POU2F1: variants seen among roughly 807,000 people sequenced by gnomAD.
POU2F1 encodes the protein POU domain, class 2, transcription factor 1.
A neutral mutation model predicts 84.9 loss-of-function variants in POU2F1; 16 were observed. The ratio of observed to expected loss-of-function variants is 0.19; its 90% CI spans 0.13 to 0.29. The LOEUF (loss-of-function observed/expected upper bound fraction) is 0.29. POU2F1 is among the 10% of genes least tolerant of loss of function. The probability of loss-of-function intolerance (pLI) is 1.00; values close to 1 mark genes in which losing one functional copy is unlikely to be tolerated. For missense variants in POU2F1, 738 were observed against 942.6 expected (o/e 0.78, Z 2.84); for synonymous variants, 368 against 368.3 (o/e 1.00, Z 0.01).
chr1:167,312,229 CCCAGCCAA>C (rs1557886276), intron 1 of POU2F1, among the ~76,000 whole-genome samples: 139 of 150,446 alleles, frequency 9.2e-4, no homozygotes, highest in African/African-American at 3.4e-3. Context: ...AGCCACCGTG[CCCAGCCAA>C]TTTTTTTTTT....
At chr1:167,316,953 G>A (rs995858542) in intron 1 of POU2F1, among the ~76,000 whole-genome samples, 2 of 152,138 alleles carry the variant, frequency 1.3e-5, no homozygotes, top group African/African-American at 4.8e-5. Flanking sequence ...GTGCAGTGGT[G>A]CAGTCTAGGC....
intron 1 of POU2F1, among the ~76,000 whole-genome samples, chr1:167,304,903 T>A (rs895379084): frequency 3.9e-5 from 6 of 152,134 alleles, no homozygotes; most frequent in Non-Finnish European, 7.4e-5. Context: ...TGAAAAAAAA[T>A]GATGTTATAG....
chr1:167,259,710 A>T (rs1177514329), intron 1 of POU2F1, among the ~76,000 whole-genome samples: 1 of 152,156 alleles, frequency 6.6e-6, no homozygotes, highest in African/African-American at 2.4e-5. Flanking sequence ...GACTATATCA[A>T]TTTATATTCT....
chr1:167,310,383 A>T (rs1232410563), intron 1 of POU2F1, among the ~76,000 whole-genome samples: 1 of 152,126 alleles, frequency 6.6e-6, no homozygotes. Flanking sequence ...TTGGATTTTT[A>T]AAAAATGAAA....
intron 1 of POU2F1, among the ~76,000 whole-genome samples, chr1:167,237,941 G>A (rs930190051): frequency 1.3e-5 from 2 of 151,202 alleles, no homozygotes; most frequent in Admixed American, 6.6e-5. Context: ...CACCGCACCC[G>A]GCTAATTTTT....
Position 167,389,771 on chromosome 1 carries a change from A to G in POU2F1, c.987+10A>G. 1 of 1,610,822 alleles carries G rather than the reference A, an allele frequency of 6.2e-7. No individual in the cohort carries two copies. The highest frequency in any genetic ancestry group is 8.5e-7 in the Non-Finnish European group (1 of 1,178,284). On this transcript the variant is annotated intron_variant, in intron 9 of 15. Transcript: ENST00000367866. ...ACTTGGATTCACTCAGGTAGGGTGAATTGGCCTTACATTGATTCCCCTCCT... is the reference window on the plus strand; with the variant it reads ...ACTTGGATTCACTCAGGTAGGGTGAGTTGGCCTTACATTGATTCCCCTCCT...
chr1:167,414,260 A>G (rs1571473589), intron 15 of POU2F1: 1 of 934,398 alleles, frequency 1.1e-6, no homozygotes, highest in Non-Finnish European at 1.3e-6. Context: ...TTTGTGATAA[A>G]TCACTTTTTC....
intron 1 of POU2F1, among the ~76,000 whole-genome samples, chr1:167,232,070 G>A (rs1017996846): frequency 6.6e-6 from 1 of 152,186 alleles, no homozygotes; most frequent in African/African-American, 2.4e-5. Context: ...TGTGGAACCC[G>A]AGTATGTGAA....
At chr1:167,319,413 A>C (rs2102627529) in intron 1 of POU2F1, among the ~76,000 whole-genome samples, 1 of 152,172 alleles carries the variant, frequency 6.6e-6, no homozygotes, top group East Asian at 1.9e-4. Context: ...AAAAAATTTA[A>C]AGTCAGTAAT....
chr1:167,413,826 C>T (rs1191976151), intron 15 of POU2F1, among the ~76,000 whole-genome samples: 1 of 152,000 alleles, frequency 6.6e-6, no homozygotes, highest in African/African-American at 2.4e-5. Flanking sequence ...ATTTGAGAGA[C>T]ATCACTAATT....
At chr1:167,377,988 G>C (rs1660441022) in intron 7 of POU2F1, among the ~76,000 whole-genome samples, 1 of 152,060 alleles carries the variant, frequency 6.6e-6, no homozygotes, top group South Asian at 2.1e-4. Flanking sequence ...CTTTGCTATT[G>C]TGAATAGTGC....
At chr1:167,407,997 T>C (rs181744201) in intron 13 of POU2F1, among the ~76,000 whole-genome samples, 3 of 152,182 alleles carry the variant, frequency 2.0e-5, no homozygotes, top group Admixed American at 6.5e-5. Flanking sequence ...AAAGAAATTG[T>C]GTCTAGAATG....
rs746981759 is a variant in POU2F1 at position 167,413,081 on chromosome 1, C to T, written c.1957C>T (p.Leu653=). The change falls in exon 15 of 16, where the codon CTA becomes TTA. Residue 653 remains leucine, a synonymous_variant. Transcript: ENST00000367866. ...GTLSGALSPA[L]MSNSTLATIQ... is the part of the protein sequence containing the mutation. ...CCTGAGCGGTGCTCTCAGCCCAGCT[C>T]TAATGAGCAACAGTACACTGGCAAC... 7 of 1,614,032 alleles carry T rather than the reference C, an allele frequency of 4.3e-6. No individual in the cohort carries two copies. Among genetic ancestry groups the T allele is most frequent in the Non-Finnish European group, 5.1e-6 (6 of 1,179,948 alleles).
At chr1:167,340,190 C>T (rs1440403366) in intron 2 of POU2F1, among the ~76,000 whole-genome samples, 1 of 151,890 alleles carries the variant, frequency 6.6e-6, no homozygotes, top group Non-Finnish European at 1.5e-5. Context: ...AGCAATTCTC[C>T]TGCCTCAGCC....
At chr1:167,307,314 C>T (rs1453076624) in intron 1 of POU2F1, among the ~76,000 whole-genome samples, 1 of 152,042 alleles carries the variant, frequency 6.6e-6, no homozygotes, top group Non-Finnish European at 1.5e-5. Context: ...AAATGTCCAT[C>T]AGAATACTGT....
intron 15 of POU2F1, among the ~76,000 whole-genome samples, chr1:167,413,780 C>CT (rs1253640731): frequency 5.9e-5 from 9 of 152,106 alleles, no homozygotes; most frequent in Non-Finnish European, 1.2e-4. Context: ...AGCTTTCTGT[C>CT]TAAAAATGTT....
chr1:167,312,116 T>A (rs930449749), intron 1 of POU2F1, among the ~76,000 whole-genome samples: 18 of 151,910 alleles, frequency 1.2e-4, no homozygotes, highest in African/African-American at 4.4e-4. Flanking sequence ...TGTAATTTTT[T>A]AAATAGAGAT....
intron 9 of POU2F1, among the ~76,000 whole-genome samples, chr1:167,391,127 A>G (rs1202034658): frequency 6.6e-6 from 1 of 152,160 alleles, no homozygotes; most frequent in Non-Finnish European, 1.5e-5. Flanking sequence ...TTTTTTAGAG[A>G]CAGGGTCTCG....
intron 1 of POU2F1, among the ~76,000 whole-genome samples, chr1:167,263,146 G>A (rs1296101739): frequency 6.6e-6 from 1 of 152,184 alleles, no homozygotes; most frequent in Non-Finnish European, 1.5e-5. Context: ...TGTAAGCTTA[G>A]TGTAGCTATC....
Sources: gnomAD v4.1 joint callset for allele counts (sites outside exome capture counted in the v4.1 genomes callset) on GRCh38, gnomAD v4.1.1 for gene constraint, MANE v1.5 for transcripts, NCBI Gene and HGNC (gene_info 2026-07-23, HGNC 2026-07-21) for gene names.